The following ARHGAP21 variants were observed in gnomAD, a reference collection of about 807,000 sequenced individuals.
ARHGAP21 encodes the protein Rho GTPase activating protein 21.
Under a neutral mutation model 164.6 loss-of-function variants are expected in ARHGAP21, and 38 were observed. The ratio of observed to expected loss-of-function variants is 0.23; its 90% CI spans 0.18 to 0.30. ARHGAP21 has a LOEUF of 0.30. ARHGAP21 is among the 10% of genes least tolerant of loss of function. The pLI is 1.00. For missense variants in ARHGAP21, 1,822 were observed against 2,370.7 expected, an observed-to-expected ratio of 0.77 and a Z score of 4.81; for synonymous variants, 766 against 857.9, an observed-to-expected ratio of 0.89 and a Z score of 1.87.
rs2076778003 is a variant in ARHGAP21 at position 24,600,659 on chromosome 10, T to C, written c.3119A>G (p.Asn1040Ser). Residue 1040 changes from asparagine to serine, a missense_variant, in exon 14 of 26, where the codon AAC becomes AGC. Asn to Ser is a conservative substitution (Grantham distance 46). Around this residue, in one of 5 missense-constraint regions of ARHGAP21, gnomAD observed 1,090 missense variants for 1,378.9 expected, o/e 0.79. Transcript: ENST00000396432. ...TTGAACACCCACCTCTTCGTTTAGG[T>C]TGCTGCTCTCCTGGATCGTCTTGAT... Reference protein sequence around the residue: ...AWIKTIQESSNLNEEDTGVTN... With the variant: ...AWIKTIQESSSLNEEDTGVTN... 1.2e-6 allele frequency: 2 copies of C among 1,613,498 alleles called. No homozygotes were observed. Among genetic ancestry groups the C allele is most frequent in the Non-Finnish European group, 1.7e-6 (2 of 1,179,474 alleles).
chr10:24,591,717 A>G (rs1280098670), intron 22 of ARHGAP21, 34 bp from the exon 23 acceptor site: 1 of 1,611,520 alleles, frequency 6.2e-7, no homozygotes, highest in Non-Finnish European at 8.5e-7. Flanking sequence ...GAGAAATTAA[A>G]CAAGCCTTTA....
chr10:24,718,375 GAT>G, intron 2 of ARHGAP21, among the ~76,000 whole-genome samples: 1 of 152,308 alleles, frequency 6.6e-6, no homozygotes, highest in East Asian at 1.9e-4. Flanking sequence ...TAAAGCCTGA[GAT>G]AGAGGGGTAG....
Position 24,589,274 on chromosome 10 carries a change from A to C in ARHGAP21, c.4179T>G (p.Ser1393=), listed in dbSNP as rs367939109. Reference sequence around the variant, plus strand: ...CAAATTGTATGAAACAATTTACCTTAGATTTTGTTGAGTCACTAGTAGCTG... The same window carrying C: ...CAAATTGTATGAAACAATTTACCTTCGATTTTGTTGAGTCACTAGTAGCTG... ...SDSATSDSTK[S]KGSWGSGKDQ... Residue 1393 remains serine, a synonymous_variant, in exon 25 of 26, where the codon TCT becomes TCG. Coordinates refer to ENST00000396432, the MANE Select transcript of ARHGAP21 (RefSeq NM_020824.4). The C allele has an allele frequency of 8.1e-6, 13 of 1,607,836 alleles. No individual in the cohort carries two copies. The African/African-American group carries it at 1.2e-4, about 15-fold the overall frequency.
rs186586733 is a variant in ARHGAP21, at chr10:24,586,941, G to A, written c.4183-835C>T. Among the ~76,000 whole-genome samples the A allele has an allele frequency of 1.1e-3, 167 of 152,204 alleles. 1 individual carries two copies. The highest frequency in any genetic ancestry group is 3.4e-4 in the Non-Finnish European group (23 of 68,002). ...TGTGGTCCTGGCTACTTGGGAGGCCGAGGTCAGAGGATCACCTGAGCCTGG... is the reference window on the plus strand; with the variant it reads ...TGTGGTCCTGGCTACTTGGGAGGCCAAGGTCAGAGGATCACCTGAGCCTGG... On this transcript the variant is annotated intron_variant, in intron 25 of 25. Transcript: ENST00000396432.
Position 24,638,416 on chromosome 10 carries a change from A to G in ARHGAP21, c.269-3313T>C, listed in dbSNP as rs543419272. Among the ~76,000 whole-genome samples the G allele has an allele frequency of 2.6e-5, 4 of 152,332 alleles. No individual in the cohort carries two copies. In the East Asian group the frequency reaches 7.7e-4, roughly 29 times the overall value. On this transcript the variant is annotated intron_variant, in intron 4 of 25. Coordinates refer to ENST00000396432, the MANE Select transcript of ARHGAP21 (RefSeq NM_020824.4). ...TGCTCCGCAATTTTGCCAGAACTGG[A>G]AATCAGAAGTATCATATTTAACACG...
intron 4 of ARHGAP21, among the ~76,000 whole-genome samples, chr10:24,635,948 C>T (rs907358274): frequency 6.6e-5 from 10 of 152,110 alleles, no homozygotes; most frequent in Admixed American, 1.3e-4. Flanking sequence ...GAAAGACATA[C>T]AAACAAATAA....
chr10:24,607,901 C>T lies in ARHGAP21; in HGVS notation c.2425G>A (p.Glu809Lys). Residue 809 changes from glutamate (E) to lysine (K), a missense_variant and splice_region_variant, in exon 10 of 26, where the codon GAA (glutamate) becomes AAA (lysine). This residue lies in a region of ARHGAP21 where 1,090 missense variants were observed against 1,378.9 expected (regional missense o/e 0.79). Transcript: ENST00000396432. ...TGATCAATGCTAGGGCTAGTTGGTT[C>T]ATCTGTAAGAAAAAAGGAAAATCAG... Reference protein sequence around the residue: ...DSLASIPFIDEPTSPSIDHDI... With the variant: ...DSLASIPFIDKPTSPSIDHDI... 1.3e-6 allele frequency: 2 copies of T among 1,583,714 alleles called. No homozygotes were observed.
intron 2 of ARHGAP21, among the ~76,000 whole-genome samples, chr10:24,720,887 A>G (rs1422965873): frequency 6.6e-6 from 1 of 152,196 alleles, no homozygotes; most frequent in East Asian, 1.9e-4. Flanking sequence ...TTTAAAGGAT[A>G]ACAATATTCA....
intron 2 of ARHGAP21, among the ~76,000 whole-genome samples, chr10:24,692,210 C>G (rs1408576230): frequency 6.6e-6 from 1 of 152,108 alleles, no homozygotes; most frequent in Non-Finnish European, 1.5e-5. Context: ...TTTAAAGCAC[C>G]TGTAAGGTGC....
intron 4 of ARHGAP21, among the ~76,000 whole-genome samples, chr10:24,666,379 T>C (rs1840202887): frequency 6.6e-6 from 1 of 152,204 alleles, no homozygotes; most frequent in Admixed American, 6.5e-5. Context: ...AAATAAAGGA[T>C]ACATGAAAAT....
chr10:24,696,830 C>T (rs998601894), intron 2 of ARHGAP21, among the ~76,000 whole-genome samples: 3 of 152,212 alleles, frequency 2.0e-5, no homozygotes, highest in Non-Finnish European at 4.4e-5. Flanking sequence ...CAGCGACCCT[C>T]GGGAGGGCCC....
At chr10:24,656,695 G>GT in intron 4 of ARHGAP21, among the ~76,000 whole-genome samples, 1 of 92,970 alleles carries the variant, frequency 1.1e-5, no homozygotes, top group Non-Finnish European at 2.3e-5. Flanking sequence ...GAGGGAGGTG[G>GT]GGGGGTCGGC....
intron 7 of ARHGAP21, chr10:24,628,916 C>CATATATATACATATATAT (rs71397961): frequency 3.0e-5 from 3 of 99,618 alleles, no homozygotes; most frequent in African/African-American, 8.1e-5. Flanking sequence ...CACATATATA[C>CATATATATACATATATAT]ACATATATAT....
At chr10:24,646,391 C>T (rs1021175315) in intron 4 of ARHGAP21, among the ~76,000 whole-genome samples, 2 of 152,114 alleles carry the variant, frequency 1.3e-5, no homozygotes, top group African/African-American at 4.8e-5. Context: ...GTGGCTCATA[C>T]CTGTAATCCT....
chr10:24,631,063 C>T lies in ARHGAP21; in HGVS notation c.441-1013G>A, dbSNP rs61854962. ...TTCAAAGGGGTAAACAAAACTGAAT[C>T]CTGTGATCTGGAGGTACATACAGAT... On this transcript the variant is annotated intron_variant, in intron 6 of 25. Coordinates refer to ENST00000396432, the MANE Select transcript of ARHGAP21 (RefSeq NM_020824.4). 9.1e-3 allele frequency among the ~76,000 whole-genome samples: 1,385 copies of T among 152,260 alleles called. 12 individuals are homozygous for T. The highest frequency in any genetic ancestry group is 0.015 in the Non-Finnish European group (992 of 68,008).
intron 7 of ARHGAP21, among the ~76,000 whole-genome samples, chr10:24,626,231 C>T (rs1462803726): frequency 6.6e-6 from 1 of 152,120 alleles, no homozygotes; most frequent in Non-Finnish European, 1.5e-5. Flanking sequence ...AAGAAGTATG[C>T]CCCGATCTAG....
intron 2 of ARHGAP21, among the ~76,000 whole-genome samples, chr10:24,691,349 G>A (rs1842750580): frequency 6.6e-6 from 1 of 152,176 alleles, no homozygotes; most frequent in South Asian, 2.1e-4. Context: ...CTTAGACATG[G>A]AGCAATGAGG....
rs183673343 is a variant in ARHGAP21, at chr10:24,635,160, T to C, written c.269-57A>G. The C allele has an allele frequency of 5.5e-5, 61 of 1,104,718 alleles. No homozygotes were observed. In the East Asian group the frequency reaches 1.4e-3, roughly 26 times the overall value. The allele number at this position is 1,104,718 out of a possible 1,614,324, so 68.4% of individuals were successfully genotyped here. The stretch of plus-strand genomic sequence containing the variant: ...CTTCACAATACTTTACTAAAATACC[T>C]AAATATAAAATAGTATTTGAGAGAA... On this transcript the variant is annotated intron_variant, in intron 4 of 25. Transcript: ENST00000396432.
chr10:24,668,090 C>T (rs1023102847), intron 3 of ARHGAP21, among the ~76,000 whole-genome samples: 3 of 152,304 alleles, frequency 2.0e-5, no homozygotes, highest in African/African-American at 7.2e-5. Context: ...TTAATCATCA[C>T]ACAGCCTGTG....
Sources: gnomAD v4.1 joint callset for allele counts (sites outside exome capture counted in the v4.1 genomes callset) on GRCh38, gnomAD v4.1.1 for gene constraint, gnomAD v4.1.1 regional missense constraint, MANE v1.5 for transcripts, NCBI Gene and HGNC (gene_info 2026-07-23, HGNC 2026-07-21) for gene names.